The following MLXIPL variants were observed in gnomAD, a reference collection of about 807,000 sequenced individuals.
MLXIPL encodes the protein MLX interacting protein like, also known as carbohydrate-responsive element-binding protein.
Under a neutral mutation model 81.5 loss-of-function variants are expected in MLXIPL, and 49 were observed. The observed-to-expected ratio is 0.60, with a 90% CI of 0.48 to 0.76. MLXIPL has a LOEUF of 0.76. Ranked by LOEUF, MLXIPL falls within the 30% of genes least tolerant of loss-of-function variation. The probability of loss-of-function intolerance (pLI) is 0.00; values close to 1 mark genes in which losing one functional copy is unlikely to be tolerated. For synonymous variants in MLXIPL, 466 were observed against 485.5 expected (o/e 0.96, Z 0.53); for missense variants, 1,053 against 1,167.0 (o/e 0.90, Z 1.42).
the MLXIPL span, among the ~76,000 whole-genome samples, chr7:73,630,124 A>G: frequency 2.4e-4 from 36 of 151,610 alleles, no homozygotes; most frequent in African/African-American, 8.7e-4. Context: ...CAGCCTCCCA[A>G]GTAGCTGGGA....
At chr7:73,601,205 G>A (rs1299516287) in intron 7 of MLXIPL, among the ~76,000 whole-genome samples, 1 of 151,774 alleles carries the variant, frequency 6.6e-6, no homozygotes, top group Non-Finnish European at 1.5e-5. Flanking sequence ...GTGTGTGTGT[G>A]TGTGTGTGTG....
chr7:73,599,481 T>G (rs1554595338), intron 8 of MLXIPL, 45 bp downstream of exon 8: 3 of 1,607,560 alleles, frequency 1.9e-6, no homozygotes. Context: ...CAGGAACAGC[T>G]CTCAAGTGAG....
the MLXIPL span, among the ~76,000 whole-genome samples, chr7:73,635,720 C>T: frequency 6.6e-6 from 1 of 152,108 alleles, no homozygotes; most frequent in African/African-American, 2.4e-5. Flanking sequence ...CCATCCATCC[C>T]CCTCTCTATC....
At position 73,616,200 on chromosome 7, in the gene MLXIPL, G is replaced by A. The variant is rs187002831; in HGVS notation, c.294-23C>T. The A allele has an allele frequency of 3.0e-3, 4,819 of 1,581,028 alleles. 13 individuals carry two copies. Among genetic ancestry groups the A allele is most frequent in the Middle Eastern group, 6.6e-3 (40 of 6,016 alleles). The stretch of plus-strand genomic sequence containing the variant: ...CCACTGTCAAAGGGGAGAGGAGTAG[G>A]GTTAGGGAGATGCAGTGCTGCCACA... On this transcript the variant is annotated intron_variant, in intron 1 of 16. Transcript: ENST00000313375.
At chr7:73,629,324 G>A (rs574680029), upstream of MLXIPL, among the ~76,000 whole-genome samples, 1 of 152,260 alleles carries the variant, frequency 6.6e-6, no homozygotes, top group South Asian at 2.1e-4. Flanking sequence ...ACAGGAGTGA[G>A]GCACCGTGCC....
chr7:73,595,757 C>T lies in MLXIPL; in HGVS notation c.2190G>A (p.Leu730=). The part of the protein sequence containing the change: ...EIEELNAAIN[L]CQQQLPATGV... ...CTGTGGCGGGCAGCTGCTGCTGGCA[C>T]AGGCTGGGGGCAGGGCAGGGGTCAG... is the stretch of plus-strand genomic sequence containing the variant. The change falls in exon 15 of 17, where the codon CTG becomes CTA. Residue 730 remains leucine (L), a synonymous_variant. Coordinates refer to ENST00000313375, the MANE Select transcript of MLXIPL (RefSeq NM_032951.3). The T allele has an allele frequency of 6.3e-7, 1 of 1,597,006 alleles. No homozygotes were observed. Among genetic ancestry groups the T allele is most frequent in the Non-Finnish European group, 8.5e-7 (1 of 1,171,536 alleles).
intron 7 of MLXIPL, among the ~76,000 whole-genome samples, chr7:73,601,883 T>C (rs193245559): frequency 1.7e-4 from 26 of 152,162 alleles, no homozygotes; most frequent in African/African-American, 6.3e-4. Flanking sequence ...GCCTGTGTGT[T>C]GCAGTCGCTG....
In MLXIPL at chr7:73,593,768, G is replaced by A; in HGVS notation, c.*97C>T. The stretch of plus-strand genomic sequence containing the variant: ...CCAGGGAAGGGCAGAGCCAGGGCCT[G>A]GGGCAGGAAGGGAGTGCCCAGAGAT... On this transcript the variant is annotated 3_prime_UTR_variant, in exon 17 of 17. Transcript: ENST00000313375. 9.1e-7 allele frequency: 1 copy of A among 1,102,192 alleles called. No homozygotes were observed. The highest frequency in any genetic ancestry group is 1.4e-6 in the Non-Finnish European group (1 of 717,644). The allele number at this position is 1,102,192 out of a possible 1,614,324, so 68.3% of individuals were successfully genotyped here. A position where few individuals can be genotyped will look rare whatever the true frequency, so the allele number is the denominator to read the frequency against.
chr7:73,602,871 G>C (rs781867423), intron 7 of MLXIPL, among the ~76,000 whole-genome samples: 3 of 152,176 alleles, frequency 2.0e-5, no homozygotes, highest in Non-Finnish European at 2.9e-5. Flanking sequence ...CCTGGGTCCC[G>C]GGCAGGGGTC....
Position 73,616,052 on chromosome 7 carries a change from G to C in MLXIPL, c.400+19C>G, listed in dbSNP as rs782411679. On this transcript the variant is annotated intron_variant, in intron 2 of 16. Transcript: ENST00000313375. ...GGGGCAGTCCCTCCCGGCTTGGGAG[G>C]CTGGTGGTAGCCACTCACACTGGAT... 6.2e-7 allele frequency: 1 copy of C among 1,602,440 alleles called. No homozygotes were observed. The highest frequency in any genetic ancestry group is 2.2e-5 in the East Asian group (1 of 44,818).
rs72649016 is a variant in MLXIPL, at chr7:73,600,904, C to T, written c.902-1209G>A. 7.3e-4 allele frequency among the ~76,000 whole-genome samples: 111 copies of T among 152,036 alleles called. 1 individual carries two copies. The highest frequency in any genetic ancestry group is 6.2e-4 in the South Asian group (3 of 4,816). ...GGCCTGACCACATCCCGGGCCTGGG[C>T]GCCGCCCGCCCACCCGCTCCCTTCC... is the stretch of plus-strand genomic sequence containing the variant. On this transcript the variant is annotated intron_variant, in intron 7 of 16. Transcript: ENST00000313375.
In MLXIPL at chr7:73,596,833, A is replaced by G. The variant is rs782188633; in HGVS notation, c.1671+32T>C. ...GAGAGTCGGGTTGAAGGCCGTGGGC[A>G]CAGCCCCACCGCCCAGTGCCCGAGA... On this transcript the variant is annotated intron_variant, in intron 10 of 16. Transcript: ENST00000313375. The surrounding 1 kb of genome is among the most constrained non-coding windows in gnomAD (Gnocchi z 4.7). 2.5e-6 allele frequency: 4 copies of G among 1,608,954 alleles called. No homozygotes were observed. Among genetic ancestry groups the G allele is most frequent in the Middle Eastern group, 1.7e-4 (1 of 5,904 alleles).
intron 7 of MLXIPL, among the ~76,000 whole-genome samples, chr7:73,602,070 ACCTG>A (rs1248654166): frequency 2.3e-5 from 2 of 87,242 alleles, no homozygotes; most frequent in Non-Finnish European, 5.3e-5. Context: ...CTTGCTGTCC[ACCTG>A]CCTGCCTGCC....
intron 16 of MLXIPL, 66 bp downstream of exon 16, chr7:73,594,207 AG>A: frequency 6.3e-7 from 1 of 1,596,820 alleles, no homozygotes; most frequent in Non-Finnish European, 8.5e-7. Flanking sequence ...GGATCTAAGC[AG>A]GGTGGAATGC....
At chr7:73,644,405 TTG>T in the MLXIPL span, among the ~76,000 whole-genome samples, 2 of 152,110 alleles carry the variant, frequency 1.3e-5, no homozygotes, top group South Asian at 2.1e-4. Flanking sequence ...AGACAGGGTT[TTG>T]CCATGTTGGC....
chr7:73,624,349 G>A lies in MLXIPL; in HGVS notation c.144C>T (p.His48=), dbSNP rs1554603074. The change falls in exon 1 of 17, where the codon CAC becomes CAT. Residue 48 remains histidine (H), a synonymous_variant. Transcript: ENST00000313375. ...AGGLLRSQVI[H]SGHFMVSSPH... The stretch of plus-strand genomic sequence containing the variant: ...GCGACGACACCATGAAGTGACCGCT[G>A]TGGATGACCTGCGAGCGGAGCAAGC... 6.3e-7 allele frequency: 1 copy of A among 1,586,406 alleles called. No homozygotes were observed. The highest frequency in any genetic ancestry group is 1.1e-5 in the South Asian group (1 of 87,880).
At chr7:73,595,582 T>G in intron 15 of MLXIPL, 55 bp downstream of exon 15, 1 of 1,613,774 alleles carries the variant, frequency 6.2e-7, no homozygotes, top group Non-Finnish European at 8.5e-7. Context: ...CCCAGCCTGG[T>G]CTCACCCTGC....
In MLXIPL at chr7:73,593,977, A is replaced by T. The variant is rs1554592755; in HGVS notation, c.2447T>A (p.Leu816Gln). The change falls in exon 17 of 17, where the codon CTG becomes CAG. Residue 816 changes from leucine to glutamine, a missense_variant. By Grantham distance (113) the Leu-to-Gln change is moderately radical. Coordinates refer to ENST00000313375, the MANE Select transcript of MLXIPL (RefSeq NM_032951.3). ...TGTGCCCAGCTGGCGTAGGGAGTTCAGGACAGCTGGGTGGGAGACAGAGAG... is the reference window on the plus strand; with the variant it reads ...TGTGCCCAGCTGGCGTAGGGAGTTCTGGACAGCTGGGTGGGAGACAGAGAG... The part of the protein sequence containing the change: ...CSLPALRPTV[L>Q]NSLRQLGTST... The T allele has an allele frequency of 1.2e-6, 2 of 1,613,674 alleles. No individual in the cohort carries two copies. The highest frequency in any genetic ancestry group is 1.7e-6 in the Non-Finnish European group (2 of 1,179,632).
In MLXIPL at chr7:73,597,731, CAG is replaced by C; in HGVS notation, c.1072-20_1072-19del. ...TTCCGAGCCTGGTTGGGGGGACAGA[CAG>C]ACACTCAGAGAGCAGGGGAGAGAGC... On this transcript the variant is annotated intron_variant, in intron 8 of 16. Coordinates refer to ENST00000313375, the MANE Select transcript of MLXIPL (RefSeq NM_032951.3). The C allele has an allele frequency of 7.5e-7, 1 of 1,338,944 alleles. No individual in the cohort carries two copies. The highest frequency in any genetic ancestry group is 9.5e-7 in the Non-Finnish European group (1 of 1,047,814). 82.9% of individuals were successfully genotyped at this position (1,338,944 alleles called of 1,614,324 possible). A position where few individuals can be genotyped will look rare whatever the true frequency, so the allele number is the denominator to read the frequency against.
Sources: allele counts gnomAD v4.1 joint callset (sites outside exome capture counted in the v4.1 genomes callset), GRCh38; gene constraint gnomAD v4.1.1; non-coding constraint Gnocchi (gnomAD v3.1); transcripts MANE v1.5; gene names NCBI Gene and HGNC (gene_info 2026-07-23, HGNC 2026-07-21).